Variants in ASIC2 observed in about 807,000 individuals in gnomAD.
ASIC2 encodes the protein acid-sensing ion channel 2.
ASIC2 carries 25 observed loss-of-function variants against 57.3 expected under a neutral mutation model. The ratio of observed to expected loss-of-function variants is 0.44; its 90% confidence interval spans 0.32 to 0.61. The LOEUF (loss-of-function observed/expected upper bound fraction) is 0.61, where lower values mean the gene tolerates loss of function less well. ASIC2 is among the 20% of genes least tolerant of loss of function. The pLI is 0.06. For missense variants in ASIC2, 641 were observed against 738.1 expected (o/e 0.87, Z 1.52); for synonymous variants, 319 against 307.5 (o/e 1.04, Z -0.39).
At chr17:33,537,866 G>A (rs1370032111) in intron 1 of ASIC2, among the ~76,000 whole-genome samples, 5 of 152,150 alleles carry the variant, frequency 3.3e-5, no homozygotes, top group Non-Finnish European at 7.4e-5. Flanking sequence ...TGTCTAGGAG[G>A]GGCAATAGGA....
intron 1 of ASIC2, among the ~76,000 whole-genome samples, chr17:33,753,498 C>T (rs777893953): frequency 6.6e-6 from 1 of 152,214 alleles, no homozygotes; most frequent in Non-Finnish European, 1.5e-5. Context: ...AAAACTTCAG[C>T]TGAATTAAAT....
intron 3 of ASIC2, among the ~76,000 whole-genome samples, chr17:33,034,789 A>G (rs990655401): frequency 6.6e-6 from 1 of 152,046 alleles, no homozygotes; most frequent in African/African-American, 2.4e-5. Context: ...TTTAAACTAC[A>G]TTATGCTTAA....
At chr17:33,734,379 C>G (rs1259795451) in intron 1 of ASIC2, among the ~76,000 whole-genome samples, 1 of 152,200 alleles carries the variant, frequency 6.6e-6, no homozygotes, top group African/African-American at 2.4e-5. Flanking sequence ...CTGTCTTCCA[C>G]TTTTCTTACC....
At chr17:33,683,014 A>G (rs1908057672) in intron 1 of ASIC2, among the ~76,000 whole-genome samples, 1 of 152,188 alleles carries the variant, frequency 6.6e-6, no homozygotes, top group Non-Finnish European at 1.5e-5. Flanking sequence ...TAAACAACAG[A>G]AATGTACTGC....
intron 1 of ASIC2, among the ~76,000 whole-genome samples, chr17:33,550,610 T>C (rs147693725): frequency 1.3e-5 from 2 of 152,232 alleles, no homozygotes; most frequent in Non-Finnish European, 2.9e-5. Context: ...TATCACCTAC[T>C]GGCTACTACT....
intron 1 of ASIC2, among the ~76,000 whole-genome samples, chr17:33,500,174 G>A (rs1914058927): frequency 6.6e-6 from 1 of 152,224 alleles, no homozygotes; most frequent in Admixed American, 6.5e-5. Flanking sequence ...ACTGTAAGTA[G>A]GAATACATTC....
chr17:33,456,282 C>A (rs1050368519), intron 1 of ASIC2, among the ~76,000 whole-genome samples: 1 of 152,066 alleles, frequency 6.6e-6, no homozygotes, highest in African/African-American at 2.4e-5. Flanking sequence ...CTGTTTCCTA[C>A]CCCCTTTATT....
intron 1 of ASIC2, among the ~76,000 whole-genome samples, chr17:33,420,880 G>A (rs1467879176): frequency 2.6e-5 from 4 of 152,282 alleles, no homozygotes; most frequent in Non-Finnish European, 4.4e-5. Flanking sequence ...AATAAAAGTG[G>A]CATTAAAGAG....
At chr17:33,952,955 T>C (rs933188345) in intron 1 of ASIC2, among the ~76,000 whole-genome samples, 4 of 152,208 alleles carry the variant, frequency 2.6e-5, no homozygotes, top group African/African-American at 9.6e-5. Context: ...CAAATATGTA[T>C]AGTAGGCTAG....
chr17:34,105,355 T>C (rs1199179883), intron 1 of ASIC2, among the ~76,000 whole-genome samples: 2 of 151,904 alleles, frequency 1.3e-5, no homozygotes, highest in African/African-American at 4.8e-5. Flanking sequence ...GTTTTTGTTT[T>C]TTGGTCTAGC....
At chr17:33,693,519 T>G (rs1427244695) in intron 1 of ASIC2, among the ~76,000 whole-genome samples, 1 of 152,162 alleles carries the variant, frequency 6.6e-6, no homozygotes, top group African/African-American at 2.4e-5. Context: ...TGGAGGCAGA[T>G]GAAATTGATA....
chr17:33,579,637 A>C (rs947261319), intron 1 of ASIC2, among the ~76,000 whole-genome samples: 3 of 151,752 alleles, frequency 2.0e-5, no homozygotes, highest in Non-Finnish European at 2.9e-5. Context: ...GCTGCGTCTG[A>C]AGTTTCTTCC....
At chr17:33,776,621 G>A (rs1032464598) in intron 1 of ASIC2, among the ~76,000 whole-genome samples, 2 of 152,178 alleles carry the variant, frequency 1.3e-5, no homozygotes, top group African/African-American at 2.4e-5. Flanking sequence ...GGCCCTCTGT[G>A]AATCGAGGCC....
intron 2 of ASIC2, among the ~76,000 whole-genome samples, chr17:33,103,312 C>T (rs551619234): frequency 6.6e-6 from 1 of 152,278 alleles, no homozygotes; most frequent in South Asian, 2.1e-4. Context: ...TAACGCACTT[C>T]AATCCTCCCA....
chr17:33,343,773 A>C (rs959429068), intron 1 of ASIC2, among the ~76,000 whole-genome samples: 3 of 151,866 alleles, frequency 2.0e-5, no homozygotes, highest in Non-Finnish European at 2.9e-5. Context: ...TCTTGAACCA[A>C]CTCTGGCTCC....
intron 1 of ASIC2, among the ~76,000 whole-genome samples, chr17:34,133,779 T>A (rs950383290): frequency 1.3e-5 from 2 of 152,216 alleles, no homozygotes; most frequent in Admixed American, 1.3e-4. Context: ...GGGTTTTACA[T>A]CCCAATTTAC....
chr17:33,364,221 T>A (rs971957326), intron 1 of ASIC2, among the ~76,000 whole-genome samples: 1 of 152,194 alleles, frequency 6.6e-6, no homozygotes, highest in African/African-American at 2.4e-5. Flanking sequence ...CATAACCAAC[T>A]GACTTTGGCC....
At chr17:33,515,897 A>G (rs1009990895) in intron 1 of ASIC2, among the ~76,000 whole-genome samples, 2 of 152,088 alleles carry the variant, frequency 1.3e-5, no homozygotes, top group African/African-American at 4.8e-5. Flanking sequence ...GAAGTTTGAG[A>G]CCAGCCTGGG....
intron 1 of ASIC2, among the ~76,000 whole-genome samples, chr17:33,584,778 C>T (rs190966326): frequency 2.6e-5 from 4 of 151,972 alleles, no homozygotes; most frequent in Admixed American, 1.3e-4. Flanking sequence ...GGAGACAGTT[C>T]GTAGGAGAAG....
Sources: gnomAD v4.1 joint callset for allele counts (sites outside exome capture counted in the v4.1 genomes callset) on GRCh38, gnomAD v4.1.1 for gene constraint, MANE v1.5 for transcripts, NCBI Gene and HGNC (gene_info 2026-07-23, HGNC 2026-07-21) for gene names.